Variants in PDCD6IP observed in about 807,000 individuals in gnomAD.
The protein encoded by PDCD6IP is programmed cell death 6-interacting protein.
Under a neutral mutation model 103.7 loss-of-function variants are expected in PDCD6IP, and 43 were observed. That is an observed-to-expected ratio of 0.41 (90% CI 0.32 to 0.53). The LOEUF is 0.53. PDCD6IP is among the 20% of genes least tolerant of loss of function. The pLI, the probability that PDCD6IP is intolerant of heterozygous loss-of-function variation, is 0.16. For synonymous variants in PDCD6IP, 354 were observed against 378.7 expected, an observed-to-expected ratio of 0.93 and a Z score of 0.76; for missense variants, 871 against 1,036.7, an observed-to-expected ratio of 0.84 and a Z score of 2.20.
chr3:33,815,171 A>G (rs754956292), intron 3 of PDCD6IP, among the ~76,000 whole-genome samples: 2 of 150,020 alleles, frequency 1.3e-5, no homozygotes, highest in Non-Finnish European at 3.0e-5. Context: ...ATTTTATAGT[A>G]GATATTATAT....
intron 9 of PDCD6IP, among the ~76,000 whole-genome samples, chr3:33,840,760 A>G (rs2125565404): frequency 6.6e-6 from 1 of 152,320 alleles, no homozygotes; most frequent in East Asian, 1.9e-4. Flanking sequence ...GAATACTTAG[A>G]TCATCTATTT....
intron 12 of PDCD6IP, among the ~76,000 whole-genome samples, chr3:33,848,594 G>A (rs1357362635): frequency 2.0e-5 from 3 of 151,986 alleles, no homozygotes; most frequent in Admixed American, 2.0e-4. Context: ...TAGTAGAGAC[G>A]GGGTTTCACC....
intron 1 of PDCD6IP, among the ~76,000 whole-genome samples, chr3:33,805,675 C>T (rs1383589386): frequency 6.6e-6 from 1 of 151,936 alleles, no homozygotes; most frequent in African/African-American, 2.4e-5. Flanking sequence ...CTGTCTTGGC[C>T]TCCCAAGTGC....
chr3:33,810,155 A>G (rs1052932903), intron 1 of PDCD6IP, among the ~76,000 whole-genome samples: 5 of 152,188 alleles, frequency 3.3e-5, no homozygotes, highest in African/African-American at 9.7e-5. Context: ...TACCAGAATT[A>G]GATATTATAC....
chr3:33,835,271 G>C (rs1215537303), intron 7 of PDCD6IP: 2 of 456,702 alleles, frequency 4.4e-6, no homozygotes, highest in Non-Finnish European at 8.8e-6. Flanking sequence ...CTTTCACTGA[G>C]AGTTAGGCCG....
At chr3:33,803,974 C>G (rs1181254295) in intron 1 of PDCD6IP, among the ~76,000 whole-genome samples, 1 of 152,012 alleles carries the variant, frequency 6.6e-6, no homozygotes, top group Non-Finnish European at 1.5e-5. Flanking sequence ...CTTTTAATTT[C>G]TGAAATATTT....
chr3:33,854,576 T>G (rs1697788961), intron 14 of PDCD6IP: 1 of 152,326 alleles, frequency 6.6e-6, no homozygotes, highest in Non-Finnish European at 1.5e-5. Flanking sequence ...GCATAATTCC[T>G]TTTGGTACTT....
chr3:33,799,056 A>C, intron 1 of PDCD6IP, 119 bp downstream of exon 1: 1 of 987,678 alleles, frequency 1.0e-6, no homozygotes, highest in South Asian at 1.7e-5. Context: ...TCCCGGCCTG[A>C]CCAGGCGCGT....
chr3:33,814,754 C>T (rs1303800855), intron 3 of PDCD6IP, among the ~76,000 whole-genome samples: 1 of 144,064 alleles, frequency 6.9e-6, no homozygotes, highest in Non-Finnish European at 1.5e-5. Flanking sequence ...TGTATATATA[C>T]TTACATATAC....
At chr3:33,864,787 T>C (rs1046009861) in intron 16 of PDCD6IP, among the ~76,000 whole-genome samples, 4 of 152,242 alleles carry the variant, frequency 2.6e-5, no homozygotes, top group Admixed American at 2.6e-4. Context: ...ATTCTGCAAA[T>C]ATATATGGAT....
intron 1 of PDCD6IP, among the ~76,000 whole-genome samples, chr3:33,804,035 T>G (rs181319160): frequency 6.6e-6 from 1 of 152,384 alleles, no homozygotes; most frequent in East Asian, 1.9e-4. Flanking sequence ...CTGTTTTACT[T>G]CATAACTGTT....
intron 15 of PDCD6IP, among the ~76,000 whole-genome samples, chr3:33,862,119 G>A (rs1559799586): frequency 6.6e-6 from 1 of 152,044 alleles, no homozygotes; most frequent in Non-Finnish European, 1.5e-5. Flanking sequence ...GAAAGGTATT[G>A]TGTTAAAGCT....
intron 15 of PDCD6IP, among the ~76,000 whole-genome samples, chr3:33,858,717 G>A (rs1230725899): frequency 6.6e-6 from 1 of 152,006 alleles, no homozygotes; most frequent in African/African-American, 2.4e-5. Context: ...GGCTGAGACA[G>A]GAGAATGGCG....
intron 15 of PDCD6IP, among the ~76,000 whole-genome samples, chr3:33,856,183 C>G (rs138478364): frequency 1.8e-4 from 28 of 152,290 alleles, no homozygotes; most frequent in African/African-American, 6.7e-4. Context: ...AATCATCTTC[C>G]GCTCCCCTGT....
In PDCD6IP at chr3:33,865,247, C is replaced by G. The variant is rs1273909206; in HGVS notation, c.2249C>G (p.Thr750Ser). The G allele has an allele frequency of 3.3e-6, 5 of 1,534,878 alleles. No individual in the cohort carries two copies. In the African/African-American group the frequency reaches 7.2e-5, roughly 22 times the overall value. Residue 750 changes from threonine to serine, a missense_variant, in exon 17 of 18, where the codon ACT becomes AGT. Transcript: ENST00000307296. ...PTPAPRTMPP[T>S]KPQPPARPPP... is the part of the protein sequence containing the mutation. ...AATGCTGACTTTTTCTTATAGCCTA[C>G]TAAGCCCCAGCCCCCAGCCAGGCCT... is the stretch of plus-strand genomic sequence containing the variant.
At chr3:33,854,047 C>G (rs1559795750) in intron 14 of PDCD6IP, 34 bp downstream of exon 14, 1 of 1,548,678 alleles carries the variant, frequency 6.5e-7, no homozygotes, top group Non-Finnish European at 8.6e-7. Flanking sequence ...CCATAGCTAG[C>G]AAGTACAGAT....
chr3:33,802,367 G>A (rs1696494753), intron 1 of PDCD6IP, among the ~76,000 whole-genome samples: 1 of 152,172 alleles, frequency 6.6e-6, no homozygotes, highest in African/African-American at 2.4e-5. Context: ...AAGGGACACA[G>A]TTTTGTTAAT....
chr3:33,805,100 TA>T (rs1287009005), intron 1 of PDCD6IP, among the ~76,000 whole-genome samples: 1 of 152,206 alleles, frequency 6.6e-6, no homozygotes, highest in African/African-American at 2.4e-5. Flanking sequence ...CTCATGCCTG[TA>T]ATCCCAGCAC....
rs369509984 is a variant in PDCD6IP at position 33,852,520 on chromosome 3, T to G, written c.1674T>G (p.Asn558Lys). Residue 558 changes from asparagine to lysine, a missense_variant, in exon 13 of 18, where the codon AAT (asparagine) becomes AAG (lysine). Asn to Lys is a moderately conservative substitution (Grantham distance 94). Transcript: ENST00000307296. ...VVNVLKSLLS[N>K]LDEVKKEREG... ...ATGTCTTAAAATCCTTATTGTCAAA[T>G]CTTGATGAAGTAAAGAAGGAAAGAG... 1 of 1,490,182 alleles carries G rather than the reference T, an allele frequency of 6.7e-7. No homozygotes were observed. The highest frequency in any genetic ancestry group is 1.5e-5 in the African/African-American group (1 of 65,406). 92.3% of individuals were successfully genotyped at this position (1,490,182 alleles called of 1,614,324 possible).
Sources: allele counts gnomAD v4.1 joint callset (sites outside exome capture counted in the v4.1 genomes callset), GRCh38; gene constraint gnomAD v4.1.1; transcripts MANE v1.5; gene names NCBI Gene and HGNC (gene_info 2026-07-23, HGNC 2026-07-21).